SEC16A: variants seen among roughly 807,000 people sequenced by gnomAD.
The protein encoded by SEC16A is SEC16 homolog A, endoplasmic reticulum export factor.
Under a neutral mutation model 221.9 loss-of-function variants are expected in SEC16A, and 110 were observed. The observed-to-expected ratio is 0.50, with a 90% CI of 0.42 to 0.58. The LOEUF (loss-of-function observed/expected upper bound fraction) is 0.58, where lower values mean the gene tolerates loss of function less well. SEC16A is among the 20% of genes least tolerant of loss of function. The probability of loss-of-function intolerance (pLI) is 0.00; values close to 1 mark genes in which losing one functional copy is unlikely to be tolerated. For synonymous variants in SEC16A, 1,393 were observed against 1,257.7 expected (o/e 1.11, Z -2.28); for missense variants, 3,165 against 3,097.8 (o/e 1.02, Z -0.52).
intron 17 of SEC16A, among the ~76,000 whole-genome samples, chr9:136,458,880 C>A (rs1382451736): frequency 2.0e-5 from 3 of 152,000 alleles, no homozygotes; most frequent in African/African-American, 7.3e-5. Context: ...CCAGCCTGGG[C>A]AACAGAGTGA....
At chr9:136,452,161 C>T (rs757284209) in intron 22 of SEC16A, among the ~76,000 whole-genome samples, 32 of 152,058 alleles carry the variant, frequency 2.1e-4, no homozygotes, top group Non-Finnish European at 3.4e-4. Flanking sequence ...GAAAAAGAGA[C>T]GGCCGGGCTG....
At chr9:136,457,389 C>T in intron 18 of SEC16A, 55 bp downstream of exon 18, 1 of 1,540,090 alleles carries the variant, frequency 6.5e-7, no homozygotes, top group Non-Finnish European at 8.8e-7. Context: ...CTCTGGCAAG[C>T]CCTCCTTCCC....
chr9:136,462,306 A>G (rs1839590875), intron 12 of SEC16A, among the ~76,000 whole-genome samples: 1 of 152,036 alleles, frequency 6.6e-6, no homozygotes, highest in African/African-American at 2.4e-5. Flanking sequence ...CCTCCTGTGC[A>G]CATAGTGTCA....
At position 136,447,138 on chromosome 9, in the gene SEC16A, C is replaced by G; in HGVS notation, c.6697+89G>C. 6.6e-7 allele frequency: 1 copy of G among 1,521,714 alleles called. No individual in the cohort carries two copies. Among genetic ancestry groups the G allele is most frequent in the Non-Finnish European group, 8.8e-7 (1 of 1,130,516 alleles). The allele number at this position is 1,521,714 out of a possible 1,614,324, so 94.3% of individuals were successfully genotyped here. On this transcript the variant is annotated intron_variant, in intron 27 of 31. Coordinates refer to ENST00000684901, the MANE Select transcript of SEC16A (RefSeq NM_014866.2). This position sits in a 1 kb window ranked among gnomAD's most constrained non-coding sequence, Gnocchi z 5.5. Reference sequence around the variant, plus strand: ...CATGCTGGCCAGGTCATTCTTTTAACGGGAGATTTAGGAGAGACTCATAGA... The same window carrying G: ...CATGCTGGCCAGGTCATTCTTTTAAGGGGAGATTTAGGAGAGACTCATAGA...
intron 31 of SEC16A, 39 bp downstream of exon 31, chr9:136,443,784 C>T (rs193023231): frequency 9.9e-6 from 15 of 1,515,382 alleles, no homozygotes; most frequent in Middle Eastern, 1.7e-4. Flanking sequence ...CGTCAGTGGG[C>T]GTGTTAGGGT....
rs1304380064 is a variant in SEC16A, at chr9:136,447,862, T to C, written c.6438A>G (p.Pro2146=). ...TAGAATGACAATTTACCTCCTCTTC[T>C]GGCTCATTTAAATTCACCCACTGGT... The part of the protein sequence containing the change: ...KKNQWVNLNE[P]EEEKKAPPPP... Residue 2146 remains proline, a synonymous_variant, in exon 25 of 32, where the codon CCA becomes CCG. Coordinates refer to ENST00000684901, the MANE Select transcript of SEC16A (RefSeq NM_014866.2). The surrounding 1 kb of genome is among the most constrained non-coding windows in gnomAD (Gnocchi z 5.5). 1 of 1,609,888 alleles carries C rather than the reference T, an allele frequency of 6.2e-7. No homozygotes were observed. Among genetic ancestry groups the C allele is most frequent in the South Asian group, 1.1e-5 (1 of 90,288 alleles).
At position 136,474,593 on chromosome 9, in the gene SEC16A, A is replaced by G. The variant is rs1190488001; in HGVS notation, c.3023T>C (p.Val1008Ala). The change falls in exon 3 of 32, where the codon GTG (valine) becomes GCG (alanine). Residue 1008 changes from valine (V) to alanine (A), a missense_variant. Physicochemically the swap from Val to Ala is moderately conservative, Grantham distance 64. Coordinates refer to ENST00000684901, the MANE Select transcript of SEC16A (RefSeq NM_014866.2). The stretch of plus-strand genomic sequence containing the variant: ...GCTGTCAGAATGGGACGGGTTGTAC[A>G]CGTTTACAGGATTTTCCAAAGTCCT... ...LSRTLENPVN[V>A]YNPSHSDSLA... 6.2e-7 allele frequency: 1 copy of G among 1,612,902 alleles called. No individual in the cohort carries two copies. Among genetic ancestry groups the G allele is most frequent in the South Asian group, 1.1e-5 (1 of 91,054 alleles).
chr9:136,465,892 T>A (rs533951037), intron 8 of SEC16A, 70 bp downstream of exon 8: 1 of 1,483,726 alleles, frequency 6.7e-7, no homozygotes, highest in Non-Finnish European at 9.2e-7. Context: ...GACTCCCGTG[T>A]TCAGATGCCA....
rs1438655246 is a variant in SEC16A at position 136,476,888 on chromosome 9, C to G, written c.728G>C (p.Cys243Ser). The G allele has an allele frequency of 6.2e-7, 1 of 1,611,818 alleles. No individual in the cohort carries two copies. The highest frequency in any genetic ancestry group is 2.2e-5 in the East Asian group (1 of 44,878). The change falls in exon 3 of 32, where the codon TGT becomes TCT. Residue 243 changes from cysteine to serine, a missense_variant. Physicochemically the swap from Cys to Ser is moderately radical, Grantham distance 112. Transcript: ENST00000684901. ...GGGGAAATGAGGAACGCTGGTGGCA[C>G]AGGGCACCCCGCTGGGAACAGGTCC... ...PEGPVPSGVP[C>S]ATSVPHFPTP...
Position 136,447,424 on chromosome 9 carries a change from T to C in SEC16A, c.6560-60A>G, listed in dbSNP as rs2131853486. On this transcript the variant is annotated intron_variant, in intron 26 of 31. Transcript: ENST00000684901. The surrounding 1 kb of genome is among the most constrained non-coding windows in gnomAD (Gnocchi z 5.5). Reference sequence around the variant, plus strand: ...CGCCAGGTGGCCTCCAGCTTCCAAATGCTCTGCGCTCACTGCGTCAGAGGA... The same window carrying C: ...CGCCAGGTGGCCTCCAGCTTCCAAACGCTCTGCGCTCACTGCGTCAGAGGA... 2 of 1,577,510 alleles carry C rather than the reference T, an allele frequency of 1.3e-6. No homozygotes were observed. Among genetic ancestry groups the C allele is most frequent in the South Asian group, 1.2e-5 (1 of 86,388 alleles).
chr9:136,461,187 C>G lies in SEC16A; in HGVS notation c.4981G>C (p.Val1661Leu), dbSNP rs368623842. The G allele has an allele frequency of 4.4e-6, 7 of 1,604,936 alleles. No homozygotes were observed. The highest frequency in any genetic ancestry group is 6.0e-6 in the Non-Finnish European group (7 of 1,175,950). ...SKMDSRTHAR[V>L]MTRFANSLPI... ...ACTGTGGGACTGTACCTGGTCATGA[C>G]TCGGGCGTGTGTCCGGCTGTCCATC... is the stretch of plus-strand genomic sequence containing the variant. The change falls in exon 13 of 32, where the codon GTC becomes CTC. Residue 1661 changes from valine (V) to leucine (L), a missense_variant. This residue lies in a region of SEC16A where 1,088 missense variants were observed against 1,089.6 expected (regional missense o/e 1.00). Transcript: ENST00000684901.
chr9:136,469,652 T>G (rs1214369422), intron 4 of SEC16A, among the ~76,000 whole-genome samples: 5 of 152,120 alleles, frequency 3.3e-5, no homozygotes, highest in Non-Finnish European at 5.9e-5. Flanking sequence ...GCTAAAAGGG[T>G]GAGACCTAAA....
Position 136,477,551 on chromosome 9 carries a change from C to T in SEC16A, c.65G>A (p.Arg22Gln), listed in dbSNP as rs754445552. The T allele has an allele frequency of 4.6e-5, 75 of 1,613,010 alleles. No individual in the cohort carries two copies. Among genetic ancestry groups the T allele is most frequent in the South Asian group, 1.9e-4 (17 of 91,038 alleles). The change falls in exon 3 of 32, where the codon CGG becomes CAG. Residue 22 changes from arginine (R) to glutamine (Q), a missense_variant. Around this residue, in one of 3 missense-constraint regions of SEC16A, gnomAD observed 2,030 missense variants for 1,923.1 expected, o/e 1.06. Coordinates refer to ENST00000684901, the MANE Select transcript of SEC16A (RefSeq NM_014866.2). ...MAGPPPAGNPRSVFWASSPYR... is the reference protein window; with the variant it reads ...MAGPPPAGNPQSVFWASSPYR... ...AGGGCTGCTAGCCCAGAACACGCTC[C>T]GAGGATTCCCGGCTGGAGGTGGCCC... is the stretch of plus-strand genomic sequence containing the variant.
At chr9:136,454,853 G>GT (rs1169227900) in intron 20 of SEC16A, among the ~76,000 whole-genome samples, 3 of 152,264 alleles carry the variant, frequency 2.0e-5, no homozygotes, top group Admixed American at 6.5e-5. Flanking sequence ...CCAGGAAGTG[G>GT]TAACGGTGTC....
chr9:136,450,191 G>A (rs1304180053), intron 23 of SEC16A, among the ~76,000 whole-genome samples: 1 of 152,142 alleles, frequency 6.6e-6, no homozygotes, highest in Non-Finnish European at 1.5e-5. Flanking sequence ...CTGACAGAGT[G>A]AGACCCTGTC....
intron 18 of SEC16A, 131 bp downstream of exon 18, chr9:136,457,313 A>T (rs1244845462): frequency 1.0e-6 from 1 of 994,906 alleles, no homozygotes; most frequent in Non-Finnish European, 1.4e-6. Context: ...TTATCCGCCC[A>T]AGAGGCAGGT....
chr9:136,478,933 A>G (rs1841987122), intron 1 of SEC16A, among the ~76,000 whole-genome samples, 103 bp from the exon 2 acceptor site: 2 of 149,456 alleles, frequency 1.3e-5, no homozygotes, highest in South Asian at 4.3e-4. Context: ...ACACCTCTTC[A>G]TAGGTCTCCG....
At chr9:136,456,445 G>A (rs1188983308) in intron 18 of SEC16A, among the ~76,000 whole-genome samples, 1 of 152,160 alleles carries the variant, frequency 6.6e-6, no homozygotes, top group Non-Finnish European at 1.5e-5. Flanking sequence ...ACCTGACCAC[G>A]TGGACCTGAC....
rs371087719 is a variant in SEC16A, at chr9:136,475,542, C to A, written c.2074G>T (p.Ala692Ser). 3.2e-5 allele frequency: 51 copies of A among 1,613,074 alleles called. No individual in the cohort carries two copies. The highest frequency in any genetic ancestry group is 4.1e-5 in the Non-Finnish European group (48 of 1,179,582). The change falls in exon 3 of 32, where the codon GCA becomes TCA. Residue 692 changes from alanine to serine, a missense_variant. Ala to Ser is a moderately conservative substitution (Grantham distance 99, BLOSUM62 1). This residue lies in a region of SEC16A where 2,030 missense variants were observed against 1,923.1 expected (regional missense o/e 1.06). Transcript: ENST00000684901. The surrounding 1 kb of genome is among the most constrained non-coding windows in gnomAD (Gnocchi z 5.0). ...TTEAVHMLPH[A>S]GAPPLDTVYP... ...ACAGTATCCAAGGGCGGTGCCCCTG[C>A]GTGCGGAAGCATGTGCACAGCTTCC...
Sources: allele counts gnomAD v4.1 joint callset (sites outside exome capture counted in the v4.1 genomes callset), GRCh38; gene constraint gnomAD v4.1.1; regional missense constraint gnomAD v4.1.1; non-coding constraint Gnocchi (gnomAD v3.1); transcripts MANE v1.5; gene names NCBI Gene and HGNC (gene_info 2026-07-23, HGNC 2026-07-21).